The following TLE2 variants were observed in gnomAD, a reference collection of about 807,000 sequenced individuals.
The protein encoded by TLE2 is transducin-like enhancer protein 2.
A neutral mutation model predicts 97.2 loss-of-function variants in TLE2; 74 were observed. The ratio of observed to expected loss-of-function variants is 0.76; its 90% CI spans 0.63 to 0.92. The LOEUF (loss-of-function observed/expected upper bound fraction) is 0.92, where lower values mean the gene tolerates loss of function less well. TLE2 is among the 40% of genes least tolerant of loss of function. The probability of loss-of-function intolerance (pLI) is 0.00; values close to 1 mark genes in which losing one functional copy is unlikely to be tolerated. For missense variants in TLE2, 1,038 were observed against 1,008.7 expected (o/e 1.03, Z -0.39); for synonymous variants, 499 against 432.1 (o/e 1.15, Z -1.92).
chr19:3,028,488 C>A, intron 2 of TLE2, 106 bp from the exon 3 acceptor site: 1 of 1,215,998 alleles, frequency 8.2e-7, no homozygotes, highest in Non-Finnish European at 1.1e-6. Context: ...AGACCTCCCC[C>A]CACCTCCTGT....
intron 1 of TLE2, among the ~76,000 whole-genome samples, chr19:3,038,610 T>C (rs988572169): frequency 1.3e-5 from 2 of 152,198 alleles, no homozygotes; most frequent in African/African-American, 4.8e-5. Flanking sequence ...TGATGATCCA[T>C]TGAAATGTGA....
upstream of TLE2, among the ~76,000 whole-genome samples, chr19:3,033,457 G>A (rs554071097): frequency 1.6e-3 from 239 of 152,206 alleles, no homozygotes; most frequent in Non-Finnish European, 2.9e-3. Context: ...GTGAGCCACC[G>A]CACCCGGCTA....
At chr19:3,002,286 G>A (rs910101242) in intron 18 of TLE2, 67 bp downstream of exon 18, 81 of 1,527,378 alleles carry the variant, frequency 5.3e-5, no homozygotes, top group Non-Finnish European at 7.0e-5. Context: ...CTAAGATTCA[G>A]ATTGAATAGG....
chr19:2,997,813 G>T lies in TLE2; in HGVS notation c.*35C>A. On this transcript the variant is annotated 3_prime_UTR_variant, in exon 20 of 20. Coordinates refer to ENST00000262953, the MANE Select transcript of TLE2 (RefSeq NM_003260.5). ...GTCCTGGCTGCTGATTCCCCTGGGA[G>T]TCTGGACTTCGGGTACAGGAAGGGG... 6.7e-7 allele frequency: 1 copy of T among 1,491,902 alleles called. No homozygotes were observed. The highest frequency in any genetic ancestry group is 9.2e-7 in the Non-Finnish European group (1 of 1,084,086). 92.4% of individuals were successfully genotyped at this position (1,491,902 alleles called of 1,614,324 possible). A position where few individuals can be genotyped will look rare whatever the true frequency, so the allele number is the denominator to read the frequency against.
intron 10 of TLE2, 44 bp downstream of exon 10, chr19:3,014,526 C>G (rs1238621346): frequency 6.6e-7 from 1 of 1,522,240 alleles, no homozygotes; most frequent in South Asian, 1.3e-5. Context: ...CCACCCCTTG[C>G]TCTGTGCCCA....
chr19:3,025,604 A>C, intron 4 of TLE2: 2 of 985,948 alleles, frequency 2.0e-6, no homozygotes, highest in Non-Finnish European at 2.4e-6. Flanking sequence ...CACTCAAGGG[A>C]AGGATTTCAT....
chr19:3,000,117 G>A lies in TLE2; in HGVS notation c.2124+530C>T, dbSNP rs1033910329. Among the ~76,000 whole-genome samples the A allele has an allele frequency of 3.3e-5, 5 of 150,942 alleles. No individual in the cohort carries two copies. The South Asian group carries it at 8.4e-4, about 25-fold the overall frequency. On this transcript the variant is annotated intron_variant, in intron 19 of 19. Transcript: ENST00000262953. ...GGCAGAGCCTCACTCTGTCGCCCAG[G>A]CTGGAGTGCAGTGGTGCGATCTCAG...
At chr19:3,032,211 C>A (rs974324368), upstream of TLE2, among the ~76,000 whole-genome samples, 1 of 151,858 alleles carries the variant, frequency 6.6e-6, no homozygotes, top group Non-Finnish European at 1.5e-5. The surrounding 1 kb of genome is among the most constrained non-coding windows in gnomAD (Gnocchi z 4.1). Flanking sequence ...GGATTACAGG[C>A]GTGAGCTACC....
At chr19:3,025,725 T>C in intron 4 of TLE2, 1 of 494,660 alleles carries the variant, frequency 2.0e-6, no homozygotes, top group South Asian at 8.8e-5. Context: ...TCTGCCTGAG[T>C]TACAGGTGTG....
chr19:3,001,960 G>A (rs1317206515), intron 18 of TLE2, among the ~76,000 whole-genome samples: 4 of 151,944 alleles, frequency 2.6e-5, no homozygotes, highest in Non-Finnish European at 5.9e-5. Context: ...ACCACGCCTG[G>A]CTAATTTTTG....
intron 17 of TLE2, among the ~76,000 whole-genome samples, chr19:3,003,353 C>T (rs562777855): frequency 3.4e-4 from 52 of 152,210 alleles, no homozygotes; most frequent in African/African-American, 1.3e-3. Flanking sequence ...AAGACCAGGC[C>T]TTGGCCGGGC....
At chr19:3,042,895 C>T (rs1388036893) in intron 1 of TLE2, among the ~76,000 whole-genome samples, 1 of 152,022 alleles carries the variant, frequency 6.6e-6, no homozygotes, top group African/African-American at 2.4e-5. Context: ...CAGACATTAC[C>T]CAGGAGAGAA....
chr19:3,009,737 C>G, intron 12 of TLE2, 35 bp from the exon 13 acceptor site: 1 of 1,575,244 alleles, frequency 6.3e-7, no homozygotes, highest in South Asian at 1.2e-5. Flanking sequence ...GTTTTGACGC[C>G]CTGGACCCAG....
chr19:3,033,007 C>T (rs1233677836), upstream of TLE2, among the ~76,000 whole-genome samples: 16 of 151,692 alleles, frequency 1.1e-4, no homozygotes, highest in African/African-American at 3.9e-4. Flanking sequence ...GATCTCGGCT[C>T]ACTGCAACCT....
At position 3,000,785 on chromosome 19, in the gene TLE2, G is replaced by A. The variant is rs1421376056; in HGVS notation, c.2048-62C>T. 9 of 1,323,344 alleles carry A rather than the reference G, an allele frequency of 6.8e-6. No individual in the cohort carries two copies. The East Asian group carries it at 1.3e-4, about 19-fold the overall frequency. The allele number at this position is 1,323,344 out of a possible 1,614,324, so 82.0% of individuals were successfully genotyped here. On this transcript the variant is annotated intron_variant, in intron 18 of 19. Coordinates refer to ENST00000262953, the MANE Select transcript of TLE2 (RefSeq NM_003260.5). ...CACTAACGAGAGACCCGGGCTGCAG[G>A]GGGAGGTCGGGGAAGCTGGGTCTGG...
At chr19:3,037,574 G>T (rs149183677) in intron 1 of TLE2, among the ~76,000 whole-genome samples, 53 of 152,248 alleles carry the variant, frequency 3.5e-4, no homozygotes, top group African/African-American at 1.2e-3. Flanking sequence ...GCCTACTTTC[G>T]CATGGGTCCT....
At chr19:3,024,468 C>T (rs2089905771) in intron 5 of TLE2, among the ~76,000 whole-genome samples, 2 of 152,108 alleles carry the variant, frequency 1.3e-5, no homozygotes, top group African/African-American at 2.4e-5. Flanking sequence ...CTCCCCAACC[C>T]CTGGCACCCC....
At chr19:3,017,978 C>T (rs1051285769) in intron 7 of TLE2, 119 bp from the exon 8 acceptor site, 1 of 830,344 alleles carries the variant, frequency 1.2e-6, no homozygotes, top group African/African-American at 1.7e-5. Context: ...CCACCCCACT[C>T]AGAGTCTCTC....
At chr19:3,007,997 G>A (rs550819417) in intron 14 of TLE2, among the ~76,000 whole-genome samples, 7 of 152,246 alleles carry the variant, frequency 4.6e-5, no homozygotes, top group Admixed American at 2.6e-4. Flanking sequence ...CAGGAGAATC[G>A]CTTGAACCCA....
Sources: allele counts gnomAD v4.1 joint callset (sites outside exome capture counted in the v4.1 genomes callset), GRCh38; gene constraint gnomAD v4.1.1; non-coding constraint Gnocchi (gnomAD v3.1); transcripts MANE v1.5; gene names NCBI Gene and HGNC (gene_info 2026-07-23, HGNC 2026-07-21).